ZNF536: variants seen among roughly 807,000 people sequenced by gnomAD.
ZNF536 encodes the protein zinc finger protein 536.
ZNF536 carries 13 observed loss-of-function variants against 84.5 expected under a neutral mutation model. The observed-to-expected ratio is 0.15, with a 90% CI of 0.10 to 0.24. ZNF536 has a LOEUF of 0.24. Ranked by LOEUF, ZNF536 falls within the 10% of genes least tolerant of loss-of-function variation. The pLI, the probability that ZNF536 is intolerant of heterozygous loss-of-function variation, is 1.00. For synonymous variants in ZNF536, 811 were observed against 742.5 expected, an observed-to-expected ratio of 1.09 and a Z score of -1.50; for missense variants, 1,536 against 1,747.5, an observed-to-expected ratio of 0.88 and a Z score of 2.16.
At chr19:30,404,019 C>CTTTT (rs11336660) in intron 1 of ZNF536, among the ~76,000 whole-genome samples, 20 of 123,360 alleles carry the variant, frequency 1.6e-4, no homozygotes, top group Admixed American at 5.0e-4. Flanking sequence ...TTCCTTTCCT[C>CTTTT]TTTTTTTTTT....
At position 30,577,871 on chromosome 19, in the gene ZNF536, A is replaced by C. The variant is rs150438207; in HGVS notation, c.169+28357A>C. Among the ~76,000 whole-genome samples the C allele has an allele frequency of 3.3e-5, 5 of 152,356 alleles. No individual in the cohort carries two copies. The East Asian group carries it at 9.6e-4, about 29-fold the overall frequency. On this transcript the variant is annotated intron_variant, in intron 1 of 1. Coordinates refer to the ZNF536 transcript ENST00000592773. ...TCTTTTCAAATGCACTACTTTTCAA[A>C]GGCCACATTCCAATTGAAGCTCATT...
intron 1 of ZNF536, among the ~76,000 whole-genome samples, chr19:30,240,123 C>T (rs979501905): frequency 6.6e-6 from 1 of 152,108 alleles, no homozygotes; most frequent in Non-Finnish European, 1.5e-5. Flanking sequence ...AATCCTAACA[C>T]TTTGAGAGGC....
chr19:30,435,947 A>C (rs1324678412), intron 1 of ZNF536, among the ~76,000 whole-genome samples: 1 of 152,164 alleles, frequency 6.6e-6, no homozygotes, highest in African/African-American at 2.4e-5. Flanking sequence ...CACCAAACCC[A>C]AACCAAAAAT....
intron 2 of ZNF536, among the ~76,000 whole-genome samples, chr19:30,514,281 C>T (rs1337269311): frequency 6.6e-6 from 1 of 152,110 alleles, no homozygotes; most frequent in East Asian, 1.9e-4. Flanking sequence ...TTTACTCCCA[C>T]CCTCAAAAAA....
At chr19:30,368,706 C>T (rs144259961), upstream of ZNF536, among the ~76,000 whole-genome samples, 592 of 152,334 alleles carry the variant, frequency 3.9e-3, 5 homozygotes, top group African/African-American at 0.013. Context: ...TGGAATTCAG[C>T]GAGCAGACCT....
At chr19:30,291,469 G>A (rs2045839132) in intron 2 of ZNF536, among the ~76,000 whole-genome samples, 1 of 152,116 alleles carries the variant, frequency 6.6e-6, no homozygotes, top group African/African-American at 2.4e-5. Context: ...TATGTTTGTT[G>A]TCTGTATAAA....
intron 1 of ZNF536, among the ~76,000 whole-genome samples, chr19:30,652,631 A>G (rs1389690821): frequency 6.6e-6 from 1 of 151,972 alleles, no homozygotes; most frequent in Non-Finnish European, 1.5e-5. Context: ...ATTCTGTAGG[A>G]CTCACCAGGA....
intron 2 of ZNF536, among the ~76,000 whole-genome samples, chr19:30,493,598 C>T (rs1312313292): frequency 6.6e-6 from 1 of 152,168 alleles, no homozygotes; most frequent in East Asian, 1.9e-4. Flanking sequence ...TCAGTCTTCC[C>T]CATCACTCGG....
chr19:30,587,745 T>G lies in ZNF536; in HGVS notation c.169+38231T>G, dbSNP rs1302519070. On this transcript the variant is annotated intron_variant, in intron 1 of 1. Coordinates refer to the ZNF536 transcript ENST00000592773. The stretch of plus-strand genomic sequence containing the variant: ...CCTGGAAGACTGGCCATGGGAGTGG[T>G]GCTTGCAGAGCTAAACGAGTCGAGG... 3.3e-5 allele frequency among the ~76,000 whole-genome samples: 5 copies of G among 152,232 alleles called. No individual in the cohort carries two copies. The East Asian group carries it at 9.6e-4, about 29-fold the overall frequency.
intron 1 of ZNF536, among the ~76,000 whole-genome samples, chr19:30,610,023 CATGCATT>C: frequency 6.6e-6 from 1 of 152,136 alleles, no homozygotes; most frequent in Admixed American, 6.5e-5. Context: ...TCCATCCATC[CATGCATT>C]CAGCCATCCA....
intron 1 of ZNF536, among the ~76,000 whole-genome samples, chr19:30,658,310 C>T (rs957901387): frequency 1.3e-5 from 2 of 152,142 alleles, no homozygotes; most frequent in Non-Finnish European, 2.9e-5. Context: ...GTGTGAGCAA[C>T]CGTGCCTGGC....
At chr19:30,494,464 A>G (rs985678851) in intron 2 of ZNF536, among the ~76,000 whole-genome samples, 5 of 152,260 alleles carry the variant, frequency 3.3e-5, no homozygotes, top group Admixed American at 2.0e-4. Flanking sequence ...GGGTGCGACA[A>G]TGGACTTAAC....
intron 1 of ZNF536, among the ~76,000 whole-genome samples, chr19:30,374,928 C>T (rs1223537837): frequency 7.2e-5 from 11 of 151,808 alleles, no homozygotes; most frequent in South Asian, 2.1e-4. Flanking sequence ...AGCAGGCAGC[C>T]CTGGCAGAGG....
chr19:30,350,071 G>A (rs2047885613), intron 2 of ZNF536, among the ~76,000 whole-genome samples: 1 of 151,934 alleles, frequency 6.6e-6, no homozygotes, highest in Admixed American at 6.6e-5. Context: ...AAAGTCTGGT[G>A]TCTGCCGGAC....
intron 1 of ZNF536, among the ~76,000 whole-genome samples, chr19:30,618,450 G>T (rs762216788): frequency 6.6e-6 from 1 of 151,992 alleles, no homozygotes; most frequent in African/African-American, 2.4e-5. Flanking sequence ...GGATATATCC[G>T]TTTCACTATA....
intron 1 of ZNF536, among the ~76,000 whole-genome samples, chr19:30,611,494 A>G (rs909287557): frequency 2.6e-5 from 4 of 152,208 alleles, no homozygotes; most frequent in African/African-American, 9.6e-5. Context: ...CATATGAACC[A>G]TATTTGTTCA....
At chr19:30,683,182 T>G (rs1294394332) in intron 1 of ZNF536, among the ~76,000 whole-genome samples, 1 of 152,178 alleles carries the variant, frequency 6.6e-6, no homozygotes, top group African/African-American at 2.4e-5. Flanking sequence ...GAGGCAGGGT[T>G]GAAAGCCGGG....
chr19:30,240,731 C>T (rs892430931), intron 1 of ZNF536, among the ~76,000 whole-genome samples: 30 of 152,362 alleles, frequency 2.0e-4, no homozygotes, highest in Admixed American at 1.5e-3. Flanking sequence ...GGACCGTCTC[C>T]TGAAGGGTAT....
At chr19:30,614,942 A>ATCTTTTTTTTT (rs2048230544) in intron 1 of ZNF536, among the ~76,000 whole-genome samples, 1 of 32,316 alleles carries the variant, frequency 3.1e-5, no homozygotes, top group Non-Finnish European at 5.8e-5. Context: ...CCCCTTTTCA[A>ATCTTTTTTTTT]TTTTTTTTTT....
Sources: allele counts gnomAD v4.1 joint callset (sites outside exome capture counted in the v4.1 genomes callset), GRCh38; gene constraint gnomAD v4.1.1; transcripts MANE v1.5; gene names NCBI Gene and HGNC (gene_info 2026-07-23, HGNC 2026-07-21).